Variants in DGCR2 observed in about 807,000 individuals in gnomAD.
DGCR2 encodes integral membrane protein DGCR2/IDD.
DGCR2 carries 24 observed loss-of-function variants against 51.6 expected under a neutral mutation model. The ratio of observed to expected loss-of-function variants is 0.47; its 90% CI spans 0.34 to 0.65. The LOEUF is 0.65. DGCR2 is among the 30% of genes least tolerant of loss of function. The pLI, the probability that DGCR2 is intolerant of heterozygous loss-of-function variation, is 0.01. For synonymous variants in DGCR2, 340 were observed against 315.4 expected (o/e 1.08, Z -0.82); for missense variants, 765 against 772.1 (o/e 0.99, Z 0.11).
intron 5 of DGCR2, chr22:19,060,982 A>AG (rs2082656623): frequency 2.8e-6 from 1 of 361,922 alleles, no homozygotes. Flanking sequence ...AACACAGAAA[A>AG]GATGGACAAC....
intron 1 of DGCR2, among the ~76,000 whole-genome samples, chr22:19,113,756 T>C (rs867764392): frequency 2.9e-4 from 44 of 152,038 alleles, no homozygotes; most frequent in Admixed American, 2.6e-4. Flanking sequence ...AGTAAAAAGA[T>C]TTCTAAAAAA....
At position 19,038,523 on chromosome 22, in the gene DGCR2, A is replaced by C; in HGVS notation, c.*342T>G. 3.3e-6 allele frequency: 1 copy of C among 304,856 alleles called. No individual in the cohort carries two copies. Among genetic ancestry groups the C allele is most frequent in the Non-Finnish European group, 6.1e-6 (1 of 162,992 alleles). 18.9% of individuals were successfully genotyped at this position (304,856 alleles called of 1,614,324 possible). Reference sequence around the variant, plus strand: ...CACTGCACCAAGTAAGCCCACCAAAAACGCATCAGGTGTGGCCATGGCCCA... The same window carrying C: ...CACTGCACCAAGTAAGCCCACCAAACACGCATCAGGTGTGGCCATGGCCCA... On this transcript the variant is annotated 3_prime_UTR_variant, in exon 10 of 10. Transcript: ENST00000263196.
intron 9 of DGCR2, 146 bp from the exon 10 acceptor site, chr22:19,039,267 G>A (rs1022398643): frequency 2.7e-5 from 27 of 990,872 alleles, no homozygotes; most frequent in Middle Eastern, 3.3e-4. Context: ...TGGCTCCCCC[G>A]GGCCTCAGAT....
rs141642681 is a variant in DGCR2 at position 19,069,445 on chromosome 22, G to A, written c.203-1220C>T. Among the ~76,000 whole-genome samples the A allele has an allele frequency of 4.2e-4, 64 of 152,232 alleles. 2 individuals carry two copies. In the East Asian group the frequency reaches 8.3e-3, roughly 20 times the overall value. On this transcript the variant is annotated intron_variant, in intron 2 of 9. Coordinates refer to ENST00000263196, the MANE Select transcript of DGCR2 (RefSeq NM_005137.3). The stretch of plus-strand genomic sequence containing the variant: ...TGTGAAATGCTTGAAAAATACAAAA[G>A]TTTGAAAAGACAATAAACAACAAAG...
In DGCR2 at chr22:19,039,036, C is replaced by T. The variant is rs374689891; in HGVS notation, c.1482G>A (p.Glu494=). 15 of 1,612,914 alleles carry T rather than the reference C, an allele frequency of 9.3e-6. No homozygotes were observed. In the African/African-American group the frequency reaches 1.9e-4, roughly 20 times the overall value. The change falls in exon 10 of 10, where the codon GAG becomes GAA. Residue 494 remains glutamate, a synonymous_variant. Coordinates refer to ENST00000263196, the MANE Select transcript of DGCR2 (RefSeq NM_005137.3). ...AGGCCCCCGCAGTGGGCAGAGGCTGCTCCAGGCGCCGGAGTAATGCACCTT... is the reference window on the plus strand; with the variant it reads ...AGGCCCCCGCAGTGGGCAGAGGCTGTTCCAGGCGCCGGAGTAATGCACCTT... ...GSEGALLRRL[E]QPLPTAGASL... is the part of the protein sequence containing the mutation.
chr22:19,064,300 G>C (rs747881043), intron 4 of DGCR2, among the ~76,000 whole-genome samples: 1 of 152,234 alleles, frequency 6.6e-6, no homozygotes, highest in South Asian at 2.1e-4. Context: ...CATGGGGTTA[G>C]TACAACAACC....
intron 1 of DGCR2, among the ~76,000 whole-genome samples, chr22:19,099,914 G>GA (rs2083182627): frequency 6.6e-6 from 1 of 151,046 alleles, no homozygotes; most frequent in African/African-American, 2.4e-5. Flanking sequence ...AGGTTGCAGT[G>GA]AGCCGAGATT....
At position 19,089,463 on chromosome 22, in the gene DGCR2, G is replaced by A. The variant is rs557619207; in HGVS notation, c.107C>T (p.Ala36Val). The A allele has an allele frequency of 5.6e-6, 9 of 1,601,510 alleles. No individual in the cohort carries two copies. The East Asian group carries it at 6.8e-5, about 12-fold the overall frequency. The change falls in exon 2 of 10, where the codon GCG becomes GTG. Residue 36 changes from alanine to valine, a missense_variant. By Grantham distance (64) the Ala-to-Val change is moderately conservative. Coordinates refer to ENST00000263196, the MANE Select transcript of DGCR2 (RefSeq NM_005137.3). ...PELRCNPGQF[A>V]CRSGTIQCIP... ...GCACTGGATGGTGCCGCTGCGACAC[G>A]CAAACTGCCCAGGGTTGCACCGCAG... is the stretch of plus-strand genomic sequence containing the variant.
chr22:19,062,089 T>A (rs2238743), intron 5 of DGCR2, among the ~76,000 whole-genome samples: 2 of 152,126 alleles, frequency 1.3e-5, no homozygotes, highest in South Asian at 2.1e-4. Flanking sequence ...GCTACCAGGA[T>A]AATTATGCTC....
chr22:19,048,414 T>G (rs1332656262), intron 7 of DGCR2, 26 bp downstream of exon 7: 3 of 1,612,900 alleles, frequency 1.9e-6, no homozygotes, highest in Non-Finnish European at 2.5e-6. Context: ...GGAGGCTGAC[T>G]TGGGACGTCC....
At chr22:19,063,685 G>C (rs1230109852) in intron 4 of DGCR2, among the ~76,000 whole-genome samples, 1 of 152,026 alleles carries the variant, frequency 6.6e-6, no homozygotes, top group Admixed American at 6.6e-5. Flanking sequence ...ACTCATGTTA[G>C]AATGCATTAA....
At chr22:19,116,216 C>T (rs553211066) in intron 1 of DGCR2, among the ~76,000 whole-genome samples, 35 of 152,340 alleles carry the variant, frequency 2.3e-4, no homozygotes, top group Non-Finnish European at 3.7e-4. Flanking sequence ...ACAGACAGCT[C>T]ATTTGAGGCA....
chr22:19,080,038 T>A (rs1464465159), intron 2 of DGCR2, among the ~76,000 whole-genome samples: 1 of 152,258 alleles, frequency 6.6e-6, no homozygotes, highest in Non-Finnish European at 1.5e-5. Flanking sequence ...CCTTCCATTA[T>A]GTTGACACTT....
chr22:19,074,245 T>G (rs1338799578), intron 2 of DGCR2, among the ~76,000 whole-genome samples: 1 of 151,776 alleles, frequency 6.6e-6, no homozygotes, highest in Admixed American at 6.6e-5. Flanking sequence ...GCCAACATGG[T>G]GAAACCCTGT....
intron 8 of DGCR2, 146 bp from the exon 9 acceptor site, chr22:19,041,440 G>C (rs781657553): frequency 2.4e-4 from 181 of 759,578 alleles, no homozygotes; most frequent in Admixed American, 7.4e-4. Context: ...GGCCACATTC[G>C]GCATCCCCAT....
chr22:19,062,755 G>GCA (rs1569052599), intron 5 of DGCR2, among the ~76,000 whole-genome samples: 1 of 136,334 alleles, frequency 7.3e-6, no homozygotes. Flanking sequence ...TAAAATCTTT[G>GCA]CGCACACACA....
At chr22:19,046,622 T>G (rs56153112) in intron 7 of DGCR2, 1 of 233,406 alleles carries the variant, frequency 4.3e-6, no homozygotes, top group Non-Finnish European at 9.8e-6. Context: ...CATGACATCC[T>G]ATTCCCAGAG....
intron 3 of DGCR2, among the ~76,000 whole-genome samples, chr22:19,065,565 C>T (rs1011643001): frequency 6.6e-6 from 1 of 152,204 alleles, no homozygotes; most frequent in African/African-American, 2.4e-5. Context: ...AGAGCCATGA[C>T]ACTGTGTGAC....
At chr22:19,114,037 C>T (rs1338375089) in intron 1 of DGCR2, among the ~76,000 whole-genome samples, 1 of 120,326 alleles carries the variant, frequency 8.3e-6, no homozygotes, top group Non-Finnish European at 1.6e-5. Context: ...CCAGCCTGGG[C>T]AACAAAAGCA....
Sources: allele counts gnomAD v4.1 joint callset (sites outside exome capture counted in the v4.1 genomes callset), GRCh38; gene constraint gnomAD v4.1.1; transcripts MANE v1.5; gene names NCBI Gene and HGNC (gene_info 2026-07-23, HGNC 2026-07-21).